The following CSMD1 variants were observed in gnomAD, a reference collection of about 807,000 sequenced individuals.
CSMD1 encodes the protein CUB and Sushi multiple domains 1, also known as CUB and sushi domain-containing protein 1.
CSMD1 carries 213 observed loss-of-function variants against 417.5 expected under a neutral mutation model. That is an observed-to-expected ratio of 0.51 (90% CI 0.46 to 0.57). The LOEUF (loss-of-function observed/expected upper bound fraction) is 0.57. Ranked by LOEUF, CSMD1 falls within the 20% of genes least tolerant of loss-of-function variation. The pLI, the probability that CSMD1 is intolerant of heterozygous loss-of-function variation, is 0.00. For synonymous variants in CSMD1, 2,862 were observed against 1,736.8 expected (o/e 1.65, Z -16.11); for missense variants, 6,923 against 4,529.7 (o/e 1.53, Z -15.17).
At chr8:3,834,144 T>C (rs542410285) in intron 5 of CSMD1, among the ~76,000 whole-genome samples, 125 of 152,326 alleles carry the variant, frequency 8.2e-4, no homozygotes, top group Non-Finnish European at 1.5e-3. Context: ...AATTTTACTA[T>C]TGCTTTATCT....
chr8:4,166,298 T>C (rs1797452313), intron 3 of CSMD1, among the ~76,000 whole-genome samples: 1 of 152,204 alleles, frequency 6.6e-6, no homozygotes, highest in African/African-American at 2.4e-5. Flanking sequence ...TAATGGAATA[T>C]TTTGTATTAT....
intron 2 of CSMD1, among the ~76,000 whole-genome samples, chr8:4,546,488 G>C (rs1200666398): frequency 1.3e-5 from 2 of 152,158 alleles, no homozygotes; most frequent in African/African-American, 2.4e-5. Context: ...AGGCCACAAA[G>C]AACAAAAGAT....
chr8:4,503,963 C>T (rs1242289415), intron 2 of CSMD1, among the ~76,000 whole-genome samples: 5 of 130,282 alleles, frequency 3.8e-5, no homozygotes, highest in African/African-American at 1.2e-4. Context: ...ACACTACTTG[C>T]ATATTCAAAA....
At chr8:3,599,717 T>C (rs975762480) in intron 8 of CSMD1, among the ~76,000 whole-genome samples, 1 of 152,212 alleles carries the variant, frequency 6.6e-6, no homozygotes, top group African/African-American at 2.4e-5. Context: ...CATGCCCAGA[T>C]TGGCGCCAAC....
At chr8:2,941,848 C>T (rs1027788109) in intron 69 of CSMD1, among the ~76,000 whole-genome samples, 1 of 152,152 alleles carries the variant, frequency 6.6e-6, no homozygotes, top group Non-Finnish European at 1.5e-5. Context: ...TTCTGTTCAC[C>T]CTTTTGCTGG....
intron 7 of CSMD1, among the ~76,000 whole-genome samples, chr8:3,674,849 G>C (rs1799290287): frequency 6.6e-6 from 1 of 152,118 alleles, no homozygotes; most frequent in Non-Finnish European, 1.5e-5. Flanking sequence ...TTGCAGTAAA[G>C]ACTATCCTTT....
rs145847679 is a variant in CSMD1, at chr8:4,549,427, C to T, written c.302+87915G>A. ...TTTCTAATTGTGATTTATTTCTATC[C>T]ATCTTCTTTTGCTTTTTTAATTGAC... On this transcript the variant is annotated intron_variant, in intron 2 of 69. Coordinates refer to ENST00000635120, the MANE Select transcript of CSMD1 (RefSeq NM_033225.6). Among the ~76,000 whole-genome samples the T allele has an allele frequency of 9.3e-3, 1,422 of 152,172 alleles. 13 individuals are homozygous for T. Among genetic ancestry groups the T allele is most frequent in the Middle Eastern group, 0.031 (9 of 292 alleles).
rs145486732 is a variant in CSMD1 at position 4,274,315 on chromosome 8, C to T, written c.415+145638G>A. On this transcript the variant is annotated intron_variant, in intron 3 of 69. Coordinates refer to ENST00000635120, the MANE Select transcript of CSMD1 (RefSeq NM_033225.6). ...CGTGAAGTATCACCCAACTGGCATACGTGGGGAGGAAAAACACATGACTTT... is the reference window on the plus strand; with the variant it reads ...CGTGAAGTATCACCCAACTGGCATATGTGGGGAGGAAAAACACATGACTTT... 4.6e-5 allele frequency among the ~76,000 whole-genome samples: 7 copies of T among 152,180 alleles called. No individual in the cohort carries two copies. The East Asian group carries it at 9.7e-4, about 21-fold the overall frequency.
chr8:4,847,811 A>G (rs1362590611), intron 1 of CSMD1, among the ~76,000 whole-genome samples: 16 of 149,960 alleles, frequency 1.1e-4, no homozygotes, highest in Non-Finnish European at 2.1e-4. Flanking sequence ...TTGAGATATA[A>G]GTTCTATACA....
chr8:3,661,744 G>A (rs551135293), intron 7 of CSMD1, among the ~76,000 whole-genome samples: 5 of 152,030 alleles, frequency 3.3e-5, no homozygotes, highest in East Asian at 1.9e-4. Flanking sequence ...TGATTCACCC[G>A]CCCTGGCTTC....
At chr8:4,240,978 C>T (rs1218940949) in intron 3 of CSMD1, among the ~76,000 whole-genome samples, 2 of 152,114 alleles carry the variant, frequency 1.3e-5, no homozygotes, top group Admixed American at 6.5e-5. Flanking sequence ...TAAGTCTGTT[C>T]AATTATTTCC....
intron 11 of CSMD1, among the ~76,000 whole-genome samples, chr8:3,472,211 C>G (rs1817143701): frequency 6.6e-6 from 1 of 152,076 alleles, no homozygotes; most frequent in South Asian, 2.1e-4. Flanking sequence ...GGTATAACAT[C>G]AAGGTGCAAG....
At position 4,356,143 on chromosome 8, in the gene CSMD1, A is replaced by G. The variant is rs895452450; in HGVS notation, c.415+63810T>C. Among the ~76,000 whole-genome samples, 11 of 152,134 alleles carry G rather than the reference A, an allele frequency of 7.2e-5. 1 individual carries two copies. Among genetic ancestry groups the G allele is most frequent in the African/African-American group, 2.7e-4 (11 of 41,442 alleles). ...CCCTCAAGTTCCCAAAGTCCATTGT[A>G]TCTTTCTTATGCCTTTGCATCCTTA... is the stretch of plus-strand genomic sequence containing the variant. On this transcript the variant is annotated intron_variant, in intron 3 of 69. Coordinates refer to ENST00000635120, the MANE Select transcript of CSMD1 (RefSeq NM_033225.6).
rs544282046 is a variant in CSMD1 at position 4,446,475 on chromosome 8, A to C, written c.303-26410T>G. On this transcript the variant is annotated intron_variant, in intron 2 of 69. Coordinates refer to ENST00000635120, the MANE Select transcript of CSMD1 (RefSeq NM_033225.6). ...AGGTGGGACGATCACCGAACTTGGG[A>C]GACTGAGGCTGCAGGGATCTGTGAT... Among the ~76,000 whole-genome samples the C allele has an allele frequency of 2.6e-5, 4 of 152,224 alleles. No homozygotes were observed. In the South Asian group the frequency reaches 8.3e-4, roughly 32 times the overall value.
intron 26 of CSMD1, among the ~76,000 whole-genome samples, chr8:3,248,993 C>T (rs945263340): frequency 6.6e-6 from 1 of 152,090 alleles, no homozygotes; most frequent in Non-Finnish European, 1.5e-5. Context: ...AGAAGGTGCA[C>T]TTGCTGAGCT....
chr8:4,308,884 A>G (rs1798402773), intron 3 of CSMD1, among the ~76,000 whole-genome samples: 1 of 152,194 alleles, frequency 6.6e-6, no homozygotes, highest in South Asian at 2.1e-4. Flanking sequence ...AGCTATAAAC[A>G]CATGGTTTAA....
intron 7 of CSMD1, among the ~76,000 whole-genome samples, chr8:3,656,348 C>A (rs747730552): frequency 2.0e-5 from 3 of 152,148 alleles, no homozygotes; most frequent in Non-Finnish European, 4.4e-5. Context: ...GAAAAGCTTT[C>A]CAGCGCGGCT....
intron 8 of CSMD1, among the ~76,000 whole-genome samples, chr8:3,604,720 A>G (rs1801527087): frequency 6.6e-6 from 1 of 152,150 alleles, no homozygotes; most frequent in Admixed American, 6.5e-5. Context: ...GCATCAGGAG[A>G]GAAACATTAT....
intron 4 of CSMD1, among the ~76,000 whole-genome samples, chr8:4,008,685 A>G (rs2130419921): frequency 7.4e-6 from 1 of 135,552 alleles, no homozygotes; most frequent in East Asian, 2.2e-4. Flanking sequence ...ATCTCAGGTA[A>G]CTGCAAGCTC....
Sources: allele counts gnomAD v4.1 joint callset (sites outside exome capture counted in the v4.1 genomes callset), GRCh38; gene constraint gnomAD v4.1.1; transcripts MANE v1.5; gene names NCBI Gene and HGNC (gene_info 2026-07-23, HGNC 2026-07-21).